Variants in MGAT4C observed in about 807,000 individuals in gnomAD.
MGAT4C encodes alpha-1,3-mannosyl-glycoprotein 4-beta-N-acetylglucosaminyltransferase C.
MGAT4C carries 19 observed loss-of-function variants against 40.1 expected under a neutral mutation model. The ratio of observed to expected loss-of-function variants is 0.47; its 90% confidence interval spans 0.33 to 0.70. The LOEUF is 0.70. MGAT4C is among the 30% of genes least tolerant of loss of function. The pLI is 0.02. For missense variants in MGAT4C, 491 were observed against 563.2 expected (o/e 0.87, Z 1.30); for synonymous variants, 181 against 187.1 (o/e 0.97, Z 0.27).
chr12:86,273,579 A>C (rs1309409373), intron 4 of MGAT4C, among the ~76,000 whole-genome samples: 15 of 152,192 alleles, frequency 9.9e-5, no homozygotes, highest in Non-Finnish European at 2.2e-4. Flanking sequence ...GGACTGTCCA[A>C]CTATGAAACT....
At chr12:86,084,795 A>G (rs925706917) in intron 1 of MGAT4C, among the ~76,000 whole-genome samples, 19 of 151,818 alleles carry the variant, frequency 1.3e-4, no homozygotes, top group Admixed American at 1.3e-3. Context: ...GAAGTAAGGA[A>G]GTCCTATGAG....
intron 2 of MGAT4C, among the ~76,000 whole-genome samples, chr12:86,039,809 T>A (rs915374198): frequency 3.3e-5 from 5 of 152,194 alleles, no homozygotes; most frequent in African/African-American, 7.2e-5. Flanking sequence ...GGGGTTCTGG[T>A]TTTTGTAATT....
intron 1 of MGAT4C, among the ~76,000 whole-genome samples, chr12:86,245,386 T>C (rs1207640778): frequency 2.0e-5 from 3 of 152,222 alleles, no homozygotes; most frequent in Non-Finnish European, 4.4e-5. Flanking sequence ...TTCAGTCTTC[T>C]TGCCTAGATT....
intron 1 of MGAT4C, among the ~76,000 whole-genome samples, chr12:86,203,957 C>CA (rs779258682): frequency 0.074 from 4,931 of 66,392 alleles, 237 homozygotes; most frequent in African/African-American, 0.19. Context: ...AACTTCGTCT[C>CA]AAAAAAAAAA....
rs867612326 is a variant in MGAT4C at position 86,350,853 on chromosome 12, G to A, written c.-119-16726C>T. ...GAACTCACATAATTATGCATTTCTG[G>A]TGGTAATACAAATTGACACAATCTC... On this transcript the variant is annotated intron_variant, in intron 3 of 7. Transcript: ENST00000548651. Among the ~76,000 whole-genome samples the A allele has an allele frequency of 8.9e-4, 135 of 152,064 alleles. 1 individual carries two copies. The highest frequency in any genetic ancestry group is 3.2e-3 in the African/African-American group (131 of 41,516).
chr12:86,102,959 C>T (rs1234471486), intron 1 of MGAT4C, among the ~76,000 whole-genome samples: 1 of 151,812 alleles, frequency 6.6e-6, no homozygotes, highest in African/African-American at 2.4e-5. Context: ...CTTATATTGG[C>T]AAAAAGGGCA....
chr12:86,629,075 G>A (rs554630653), intron 2 of MGAT4C, among the ~76,000 whole-genome samples: 24 of 151,306 alleles, frequency 1.6e-4, no homozygotes, highest in African/African-American at 4.4e-4. Flanking sequence ...CCAAGCAAAT[G>A]GAAAGAAAAA....
intron 2 of MGAT4C, among the ~76,000 whole-genome samples, chr12:86,492,457 A>C (rs905357466): frequency 2.0e-5 from 3 of 152,182 alleles, no homozygotes. Context: ...GATACAGATC[A>C]ATGGAACAGA....
rs1424204817 is a variant in MGAT4C, at chr12:85,958,491, A to T, written c.*20798T>A. On this transcript the variant is annotated 3_prime_UTR_variant, in exon 5 of 5. Coordinates refer to ENST00000611864, the MANE Select transcript of MGAT4C (RefSeq NM_001351288.2). ...CATATAAATTATCATAATACTTTAC[A>T]TTGAGTCTCTATGGTTGACTATATG... 22 of 152,160 alleles carry T rather than the reference A, an allele frequency of 1.4e-4. No homozygotes were observed. Among genetic ancestry groups the T allele is most frequent in the Non-Finnish European group, 2.9e-5 (2 of 68,024 alleles). 9.4% of individuals were successfully genotyped at this position (152,160 alleles called of 1,614,324 possible). A position where few individuals can be genotyped will look rare whatever the true frequency, so the allele number is the denominator to read the frequency against.
chr12:86,399,331 G>A (rs1032131444), intron 3 of MGAT4C, among the ~76,000 whole-genome samples: 1 of 149,166 alleles, frequency 6.7e-6, no homozygotes, highest in Non-Finnish European at 1.5e-5. Flanking sequence ...CACCCAGGCT[G>A]GAGTGAGTGG....
chr12:86,334,331 T>C (rs568909440), intron 3 of MGAT4C, among the ~76,000 whole-genome samples: 3 of 152,212 alleles, frequency 2.0e-5, no homozygotes, highest in East Asian at 3.9e-4. Flanking sequence ...AATGAACTCA[T>C]TGCTGTAGAA....
At chr12:86,594,022 C>A (rs1270977392) in intron 2 of MGAT4C, among the ~76,000 whole-genome samples, 1 of 152,168 alleles carries the variant, frequency 6.6e-6, no homozygotes, top group Non-Finnish European at 1.5e-5. Flanking sequence ...AGCATGGAAC[C>A]TCTGCCACAA....
intron 2 of MGAT4C, among the ~76,000 whole-genome samples, chr12:86,645,236 A>G (rs931285559): frequency 2.0e-5 from 3 of 151,668 alleles, no homozygotes; most frequent in Admixed American, 2.0e-4. Context: ...TTAGCAGTGC[A>G]TATTTCTGGG....
At chr12:86,677,123 C>T (rs1237355538) in intron 2 of MGAT4C, among the ~76,000 whole-genome samples, 1 of 152,044 alleles carries the variant, frequency 6.6e-6, no homozygotes, top group African/African-American at 2.4e-5. Flanking sequence ...CCTACATGCA[C>T]CTAGTTGCAA....
At chr12:86,399,937 G>A (rs895517149) in intron 3 of MGAT4C, among the ~76,000 whole-genome samples, 1 of 152,170 alleles carries the variant, frequency 6.6e-6, no homozygotes, top group African/African-American at 2.4e-5. Context: ...CAAGAATAGG[G>A]TTGTGGGATC....
intron 2 of MGAT4C, among the ~76,000 whole-genome samples, chr12:86,510,339 A>G (rs1958551002): frequency 6.6e-6 from 1 of 152,168 alleles, no homozygotes. Flanking sequence ...TCCTGAAGGA[A>G]GCACTAAACA....
At chr12:86,369,094 G>C (rs1395921668) in intron 3 of MGAT4C, among the ~76,000 whole-genome samples, 1 of 151,870 alleles carries the variant, frequency 6.6e-6, no homozygotes, top group Non-Finnish European at 1.5e-5. Flanking sequence ...CTTTTGAATT[G>C]CCATTTTTAT....
Position 86,723,260 on chromosome 12 carries a change from TG to T in MGAT4C, c.-229+3948del, listed in dbSNP as rs1488674522. 3.3e-5 allele frequency among the ~76,000 whole-genome samples: 5 copies of T among 152,170 alleles called. No homozygotes were observed. The East Asian group carries it at 9.6e-4, about 29-fold the overall frequency. Reference sequence around the variant, plus strand: ...CATAAATTCCCTAAGCCACTGTGGATGTTATGGAAATAAAATGTCTATCTTA... The same window carrying T: ...CATAAATTCCCTAAGCCACTGTGGATTTATGGAAATAAAATGTCTATCTTA... On this transcript the variant is annotated intron_variant, in intron 2 of 7. Coordinates refer to the MGAT4C transcript ENST00000548651.
intron 2 of MGAT4C, among the ~76,000 whole-genome samples, chr12:86,503,814 G>T (rs1276687060): frequency 1.4e-4 from 3 of 20,862 alleles, no homozygotes; most frequent in Non-Finnish European, 2.5e-4. Context: ...ATATATATAT[G>T]AGTTCTGCTC....
Sources: gnomAD v4.1 joint callset for allele counts (sites outside exome capture counted in the v4.1 genomes callset) on GRCh38, gnomAD v4.1.1 for gene constraint, MANE v1.5 for transcripts, NCBI Gene and HGNC (gene_info 2026-07-23, HGNC 2026-07-21) for gene names.